The following TTLL1 variants were observed in gnomAD, a reference collection of about 807,000 sequenced individuals.
The protein encoded by TTLL1 is polyglutamylase complex subunit TTLL1.
TTLL1 carries 33 observed loss-of-function variants against 47.8 expected under a neutral mutation model. That is an observed-to-expected ratio of 0.69 (90% CI 0.52 to 0.92). The LOEUF is 0.92. TTLL1 is among the 40% of genes least tolerant of loss of function. TTLL1 has a pLI of 0.00. For missense variants in TTLL1, 488 were observed against 547.5 expected, an observed-to-expected ratio of 0.89 and a Z score of 1.08; for synonymous variants, 225 against 214.1, an observed-to-expected ratio of 1.05 and a Z score of -0.45.
At chr22:43,076,752 A>AAAT (rs1019744158) in intron 2 of TTLL1, among the ~76,000 whole-genome samples, 23 of 151,372 alleles carry the variant, frequency 1.5e-4, no homozygotes, top group Admixed American at 3.3e-4. Flanking sequence ...CTCCATCTCA[A>AAAT]AATAATAATA....
intron 10 of TTLL1, among the ~76,000 whole-genome samples, chr22:43,043,823 G>A (rs772852131): frequency 6.6e-6 from 1 of 151,902 alleles, no homozygotes; most frequent in African/African-American, 2.4e-5. Flanking sequence ...TCCTTGTGCA[G>A]TCACCTCCAG....
chr22:43,087,423 C>T (rs186446003), intron 1 of TTLL1, among the ~76,000 whole-genome samples: 2 of 151,274 alleles, frequency 1.3e-5, no homozygotes, highest in East Asian at 3.9e-4. Context: ...ACTCAGAAGG[C>T]TGATGCACGA....
intron 8 of TTLL1, among the ~76,000 whole-genome samples, chr22:43,053,798 C>G (rs1378996383): frequency 2.0e-5 from 3 of 152,230 alleles, no homozygotes; most frequent in African/African-American, 7.2e-5. Flanking sequence ...GTTCAGGAAA[C>G]TGAGGCCCAG....
At chr22:43,044,768 G>A (rs897809649) in intron 10 of TTLL1, among the ~76,000 whole-genome samples, 8 of 152,070 alleles carry the variant, frequency 5.3e-5, no homozygotes, top group Non-Finnish European at 1.2e-4. Context: ...GGGATTCTGA[G>A]GCCAATGTTT....
intron 2 of TTLL1, among the ~76,000 whole-genome samples, chr22:43,078,564 G>C (rs908710161): frequency 4.6e-5 from 7 of 151,930 alleles, no homozygotes; most frequent in African/African-American, 1.7e-4. Flanking sequence ...AGGGAGTCCG[G>C]GTGCCCTGAT....
intron 9 of TTLL1, among the ~76,000 whole-genome samples, chr22:43,049,925 G>A (rs534952382): frequency 7.3e-5 from 11 of 151,362 alleles, no homozygotes; most frequent in Admixed American, 5.3e-4. Context: ...GTGAAACCCC[G>A]TCTCTGCTAA....
chr22:43,043,232 T>G (rs894947960), intron 10 of TTLL1, among the ~76,000 whole-genome samples: 2 of 151,940 alleles, frequency 1.3e-5, no homozygotes, highest in African/African-American at 4.8e-5. Context: ...TGAGCCACCA[T>G]ACCCAGCCTG....
chr22:43,050,750 T>C (rs1389293232), intron 9 of TTLL1, among the ~76,000 whole-genome samples: 1 of 152,212 alleles, frequency 6.6e-6, no homozygotes, highest in Non-Finnish European at 1.5e-5. Flanking sequence ...CTTGAATTCC[T>C]GACCTCAGGT....
At chr22:43,077,981 ACCAATAGTC>A (rs1928621136) in intron 2 of TTLL1, among the ~76,000 whole-genome samples, 1 of 150,140 alleles carries the variant, frequency 6.7e-6, no homozygotes, top group South Asian at 2.1e-4. Flanking sequence ...GGTGGCATGC[ACCAATAGTC>A]CCAGCTACTT....
intron 1 of TTLL1, among the ~76,000 whole-genome samples, chr22:43,087,132 C>T (rs1201396140): frequency 1.3e-5 from 2 of 152,214 alleles, no homozygotes; most frequent in South Asian, 2.1e-4. Context: ...CTTTCCCCAA[C>T]CACTCAATCT....
chr22:43,045,251 T>C (rs1184383201), intron 10 of TTLL1, among the ~76,000 whole-genome samples: 4 of 152,174 alleles, frequency 2.6e-5, no homozygotes, highest in Non-Finnish European at 5.9e-5. Context: ...GCTCTCACTT[T>C]GTTCCCACTT....
chr22:43,066,015 C>T (rs1304977137), intron 5 of TTLL1, among the ~76,000 whole-genome samples: 1 of 151,652 alleles, frequency 6.6e-6, no homozygotes, highest in Non-Finnish European at 1.5e-5. Flanking sequence ...AAAAATTAGC[C>T]AGGTGTGGTG....
chr22:43,065,823 G>GA (rs377579282), intron 5 of TTLL1, among the ~76,000 whole-genome samples: 1,600 of 148,850 alleles, frequency 0.011, 32 homozygotes, highest in African/African-American at 0.037. Flanking sequence ...AGGGGTATAG[G>GA]AAAAAAAAAA....
At chr22:43,079,039 C>T (rs113705971) in intron 2 of TTLL1, among the ~76,000 whole-genome samples, 5 of 102,546 alleles carry the variant, frequency 4.9e-5, no homozygotes, top group African/African-American at 1.9e-4. Context: ...CCATCCCACA[C>T]CCCTCACACC....
chr22:43,066,696 A>AT (rs397751370), intron 5 of TTLL1, among the ~76,000 whole-genome samples: 9 of 148,286 alleles, frequency 6.1e-5, no homozygotes, highest in South Asian at 2.1e-4. Context: ...AAAAAAAAAA[A>AT]TTTTTTTTTA....
At chr22:43,053,197 T>C (rs1172982227) in intron 8 of TTLL1, among the ~76,000 whole-genome samples, 3 of 152,102 alleles carry the variant, frequency 2.0e-5, no homozygotes, top group East Asian at 3.9e-4. Flanking sequence ...CCTCAGAGAC[T>C]TGTGCACCCT....
At chr22:43,051,938 C>A in intron 8 of TTLL1, 51 bp from the exon 9 acceptor site, 1 of 1,554,148 alleles carries the variant, frequency 6.4e-7, no homozygotes. Flanking sequence ...AAGGGCGCAG[C>A]CGAGACCAAC....
chr22:43,083,202 T>C (rs1569450668), intron 1 of TTLL1, among the ~76,000 whole-genome samples: 1 of 148,806 alleles, frequency 6.7e-6, no homozygotes. Flanking sequence ...TCTTCTCTAC[T>C]AAAAAAAATA....
At chr22:43,073,325 C>CTATT (rs72103212) in intron 3 of TTLL1, among the ~76,000 whole-genome samples, 4,517 of 142,614 alleles carry the variant, frequency 0.032, 85 homozygotes, top group African/African-American at 0.048. Flanking sequence ...TGCGCCCGGT[C>CTATT]TATTTATTTA....
Sources: allele counts gnomAD v4.1 joint callset (sites outside exome capture counted in the v4.1 genomes callset), GRCh38; gene constraint gnomAD v4.1.1; transcripts MANE v1.5; gene names NCBI Gene and HGNC (gene_info 2026-07-23, HGNC 2026-07-21).